The following PTPN11 variants were observed in gnomAD, a reference collection of about 807,000 sequenced individuals.
PTPN11 encodes the protein tyrosine-protein phosphatase non-receptor type 11.
Under a neutral mutation model 78.8 loss-of-function variants are expected in PTPN11, and 6 were observed. The observed-to-expected ratio is 0.08, with a 90% CI of 0.04 to 0.15. The LOEUF (loss-of-function observed/expected upper bound fraction) is 0.15, where lower values mean the gene tolerates loss of function less well. PTPN11 is among the 10% of genes least tolerant of loss of function. The pLI, the probability that PTPN11 is intolerant of heterozygous loss-of-function variation, is 1.00. For missense variants in PTPN11, 386 were observed against 744.8 expected, an observed-to-expected ratio of 0.52 and a Z score of 5.61; for synonymous variants, 221 against 263.5, an observed-to-expected ratio of 0.84 and a Z score of 1.56.
At chr12:112,464,182 T>C (rs1406068099) in intron 6 of PTPN11, among the ~76,000 whole-genome samples, 1 of 152,232 alleles carries the variant, frequency 6.6e-6, no homozygotes, top group Non-Finnish European at 1.5e-5. Flanking sequence ...TATGCCTGTC[T>C]CCTGGTGTTC....
chr12:112,500,405 T>A (rs1055250600), intron 13 of PTPN11, among the ~76,000 whole-genome samples: 1 of 152,226 alleles, frequency 6.6e-6, no homozygotes, highest in East Asian at 1.9e-4. Context: ...TATTTACAAG[T>A]CTTTTTGTTT....
At chr12:112,498,175 C>T (rs906097232) in intron 13 of PTPN11, among the ~76,000 whole-genome samples, 1 of 151,850 alleles carries the variant, frequency 6.6e-6, no homozygotes, top group Non-Finnish European at 1.5e-5. Context: ...AAAAACCCCT[C>T]ATTTTGAAAG....
intron 6 of PTPN11, among the ~76,000 whole-genome samples, chr12:112,470,012 T>C (rs1185255749): frequency 6.6e-6 from 1 of 152,020 alleles, no homozygotes. Flanking sequence ...GCCTTGACCT[T>C]CTGGGCTCAA....
At chr12:112,445,350 T>G (rs1365517536) in intron 1 of PTPN11, among the ~76,000 whole-genome samples, 10 of 152,176 alleles carry the variant, frequency 6.6e-5, no homozygotes, top group African/African-American at 2.2e-4. Context: ...CAGGATGGTC[T>G]TGAACTCCTG....
At chr12:112,460,652 G>A (rs2038232898) in intron 6 of PTPN11, among the ~76,000 whole-genome samples, 1 of 151,930 alleles carries the variant, frequency 6.6e-6, no homozygotes, top group Non-Finnish European at 1.5e-5. Flanking sequence ...GACCATCCTG[G>A]CCAACATGGT....
intron 13 of PTPN11, among the ~76,000 whole-genome samples, chr12:112,494,358 G>A (rs183085282): frequency 6.6e-6 from 1 of 152,226 alleles, no homozygotes; most frequent in Non-Finnish European, 1.5e-5. Context: ...GAACTTTTAA[G>A]GTTCATCATT....
chr12:112,502,633 G>T (rs1207199678), intron 14 of PTPN11, among the ~76,000 whole-genome samples: 1 of 152,178 alleles, frequency 6.6e-6, no homozygotes, highest in Non-Finnish European at 1.5e-5. Flanking sequence ...TGTAATCCCA[G>T]CTACTCAGGA....
At chr12:112,485,051 A>G (rs370748074) in intron 10 of PTPN11, among the ~76,000 whole-genome samples, 88 of 152,208 alleles carry the variant, frequency 5.8e-4, no homozygotes, top group African/African-American at 2.1e-3. Context: ...ACTTGAGGTC[A>G]GGAGTACAAG....
At chr12:112,470,680 T>C (rs1415725100) in intron 6 of PTPN11, among the ~76,000 whole-genome samples, 2 of 151,966 alleles carry the variant, frequency 1.3e-5, no homozygotes, top group Admixed American at 1.3e-4. Context: ...TCATGCGAAG[T>C]TGGGTTCGTA....
intron 15 of PTPN11, among the ~76,000 whole-genome samples, 152 bp from the exon 16 acceptor site, chr12:112,505,673 A>G (rs184193964): frequency 1.3e-5 from 2 of 151,366 alleles, no homozygotes; most frequent in Non-Finnish European, 2.9e-5. Context: ...AAAAAAAAAA[A>G]AAAAAAAACT....
chr12:112,495,129 C>A (rs566479693), intron 13 of PTPN11, among the ~76,000 whole-genome samples: 2 of 152,156 alleles, frequency 1.3e-5, no homozygotes, highest in Non-Finnish European at 2.9e-5. Flanking sequence ...CATCCACTTT[C>A]CCCTGAAGTT....
chr12:112,432,829 T>C (rs2037733220), intron 1 of PTPN11, among the ~76,000 whole-genome samples: 1 of 151,886 alleles, frequency 6.6e-6, no homozygotes, highest in South Asian at 2.1e-4. Flanking sequence ...AAAAAGATTA[T>C]GGTGGAGCTG....
intron 13 of PTPN11, among the ~76,000 whole-genome samples, chr12:112,496,018 A>G (rs1353724779): frequency 6.6e-6 from 1 of 152,204 alleles, no homozygotes; most frequent in Non-Finnish European, 1.5e-5. Context: ...ATAAAGCTCC[A>G]TCTCTTGGAG....
At chr12:112,440,888 C>G (rs540466016) in intron 1 of PTPN11, among the ~76,000 whole-genome samples, 1 of 151,392 alleles carries the variant, frequency 6.6e-6, no homozygotes, top group African/African-American at 2.4e-5. Flanking sequence ...AATCTTCTGA[C>G]AAGCTCTCAG....
intron 9 of PTPN11, among the ~76,000 whole-genome samples, chr12:112,480,053 A>T (rs1291871891): frequency 6.6e-6 from 1 of 152,218 alleles, no homozygotes; most frequent in Non-Finnish European, 1.5e-5. Context: ...ATTAGTTCTC[A>T]CATTTTAGAA....
At position 112,477,634 on chromosome 12, in the gene PTPN11, GTC is replaced by G; in HGVS notation, c.854-13_854-12del. On this transcript the variant is annotated splice_polypyrimidine_tract_variant and intron_variant, in intron 7 of 15. Transcript: ENST00000351677. Reference sequence around the variant, plus strand: ...GCAGTCCAGGACTTATGTGACCGTGGTCTCTTTTTCTTCTAGTTGATCATACC... The same window carrying G: ...GCAGTCCAGGACTTATGTGACCGTGGTCTTTTTCTTCTAGTTGATCATACC... 1.3e-6 allele frequency: 2 copies of G among 1,597,676 alleles called. No homozygotes were observed. The highest frequency in any genetic ancestry group is 1.1e-5 in the South Asian group (1 of 90,720).
At chr12:112,489,262 C>T (rs1836542502) in intron 13 of PTPN11, 87 bp downstream of exon 13, 2 of 1,480,060 alleles carry the variant, frequency 1.4e-6, no homozygotes, top group Non-Finnish European at 1.9e-6. Context: ...AGGACAGGCT[C>T]TGATAGACAA....
At chr12:112,439,795 ACAAAAAC>A (rs2037853897) in intron 1 of PTPN11, among the ~76,000 whole-genome samples, 1 of 144,596 alleles carries the variant, frequency 6.9e-6, no homozygotes, top group Non-Finnish European at 1.5e-5. Flanking sequence ...AAAAAAAAAA[ACAAAAAC>A]AAAAAAAAAA....
intron 13 of PTPN11, among the ~76,000 whole-genome samples, chr12:112,501,825 A>G (rs2038877189): frequency 6.6e-6 from 1 of 152,222 alleles, no homozygotes; most frequent in Admixed American, 6.5e-5. Flanking sequence ...CTATGAAATG[A>G]TTAGATGCTA....
Sources: allele counts gnomAD v4.1 joint callset (sites outside exome capture counted in the v4.1 genomes callset), GRCh38; gene constraint gnomAD v4.1.1; transcripts MANE v1.5; gene names NCBI Gene and HGNC (gene_info 2026-07-23, HGNC 2026-07-21).